The following SPATA46 variants were observed in gnomAD, a reference collection of about 807,000 sequenced individuals.
SPATA46 encodes the protein spermatogenesis-associated protein 46.
A neutral mutation model predicts 6.2 loss-of-function variants in SPATA46; 3 were observed. The observed-to-expected ratio is 0.48, with a 90% CI of 0.22 to 1.25. The LOEUF (loss-of-function observed/expected upper bound fraction) is 1.25, where lower values mean the gene tolerates loss of function less well. Among genes scored for constraint, SPATA46 ranks in the 50% most tolerant of loss-of-function variants. The probability of loss-of-function intolerance (pLI) is 0.20; values close to 1 mark genes in which losing one functional copy is unlikely to be tolerated. For missense variants in SPATA46, 308 were observed against 323.5 expected, an observed-to-expected ratio of 0.95 and a Z score of 0.37; for synonymous variants, 117 against 123.3, an observed-to-expected ratio of 0.95 and a Z score of 0.34.
rs1229771588 is a variant in SPATA46 at position 162,374,198 on chromosome 1, G to A, written c.636C>T (p.Cys212=). ...CTTTGAGCTTGCGGTAGTACACCTT[G>A]CAGCTGAAGCCCTCCCTGAAGCCCC... ...IKRGFREGFS[C]KVYYRKLKAL... is the part of the protein sequence containing the mutation. The change falls in exon 3 of 3, where the codon TGC becomes TGT. Residue 212 remains cysteine (C), a synonymous_variant. Transcript: ENST00000367935. 1.9e-6 allele frequency: 3 copies of A among 1,614,022 alleles called. No homozygotes were observed. The African/African-American group carries it at 4.0e-5, about 22-fold the overall frequency.
rs1647497332 is a variant in SPATA46 at position 162,373,516 on chromosome 1, T to C, written c.*532A>G. 1 of 152,586 alleles carries C rather than the reference T, an allele frequency of 6.6e-6. No homozygotes were observed. The highest frequency in any genetic ancestry group is 6.5e-5 in the Admixed American group (1 of 15,304). The allele number at this position is 152,586 out of a possible 1,614,324, so 9.5% of individuals were successfully genotyped here. On this transcript the variant is annotated 3_prime_UTR_variant, in exon 3 of 3. Transcript: ENST00000367935. ...CCCCATCTGCCTCTTACCTGCCTTA[T>C]ACTCAGAGGCATATTTTCCTCCACA...
In SPATA46 at chr1:162,374,102, A is replaced by G. The variant is rs145479510; in HGVS notation, c.732T>C (p.Asn244=). The G allele has an allele frequency of 1.4e-5, 23 of 1,613,858 alleles. No homozygotes were observed. In the African/African-American group the frequency reaches 3.1e-4, roughly 22 times the overall value. The part of the protein sequence containing the change: ...RLSSGSCQAF[N]SPAEHLRQIG... ...TTTGCCTAAGGTGTTCAGCAGGACT[A>G]TTGAAGGCCTGGCAGCTGCCGGAGG... The change falls in exon 3 of 3, where the codon AAT becomes AAC. Residue 244 remains asparagine, a synonymous_variant. Transcript: ENST00000367935.
Position 162,374,166 on chromosome 1 carries a change from C to T in SPATA46, c.668G>A (p.Trp223Ter), listed in dbSNP as rs1295833143. Reference sequence around the variant, plus strand: ...CAGCCGGGCCTTCTGCTCCTTGCTCCAGAGGGCTTTGAGCTTGCGGTAGTA... The same window carrying T: ...CAGCCGGGCCTTCTGCTCCTTGCTCTAGAGGGCTTTGAGCTTGCGGTAGTA... The part of the protein sequence containing the change: ...KVYYRKLKAL[W>*]SKEQKARLGD... The change falls in exon 3 of 3, where the codon TGG becomes TAG. Residue 223 changes from tryptophan to a stop codon, truncating the protein, a stop_gained. Coordinates refer to ENST00000367935, the MANE Select transcript of SPATA46 (RefSeq NM_182581.4). LOFTEE classifies it low-confidence loss of function (END_TRUNC). 2 of 1,614,256 alleles carry T rather than the reference C, an allele frequency of 1.2e-6. No homozygotes were observed. The highest frequency in any genetic ancestry group is 1.6e-4 in the Middle Eastern group (1 of 6,062).
At position 162,374,014 on chromosome 1, in the gene SPATA46, A is replaced by G. The variant is rs369461476; in HGVS notation, c.*34T>C. On this transcript the variant is annotated 3_prime_UTR_variant, in exon 3 of 3. Coordinates refer to ENST00000367935, the MANE Select transcript of SPATA46 (RefSeq NM_182581.4). ...GCTGTGCGGGGTGACCTCAGACTGG[A>G]CAGAAGGCTGTGACTAACTTTATTG... 3.3e-4 allele frequency: 510 copies of G among 1,558,734 alleles called. 3 individuals are homozygous for G. In the South Asian group the frequency reaches 5.0e-3, roughly 15 times the overall value.
chr1:162,375,677 C>G (rs1047557624), intron 1 of SPATA46, among the ~76,000 whole-genome samples: 1 of 152,136 alleles, frequency 6.6e-6, no homozygotes, highest in African/African-American at 2.4e-5. Flanking sequence ...CTGGCCTGCC[C>G]CTCACCTAAC....
rs1454936772 is a variant in SPATA46, at chr1:162,375,356, C to G, written c.151G>C (p.Ala51Pro). The G allele has an allele frequency of 1.2e-6, 2 of 1,614,142 alleles. No homozygotes were observed. Among genetic ancestry groups the G allele is most frequent in the Non-Finnish European group, 1.7e-6 (2 of 1,180,022 alleles). Residue 51 changes from alanine (A) to proline (P), a missense_variant, in exon 2 of 3, where the codon GCC becomes CCC. By Grantham distance (27) the Ala-to-Pro change is conservative. Transcript: ENST00000367935. The part of the protein sequence containing the change: ...VPTEASSPAQ[A>P]LPPQYQSIIV... Reference sequence around the variant, plus strand: ...ATGCTTTGGTACTGGGGTGGCAGGGCCTGAGCTGGGCTGGATGCCTCAGTG... The same window carrying G: ...ATGCTTTGGTACTGGGGTGGCAGGGGCTGAGCTGGGCTGGATGCCTCAGTG...
rs762963810 is a variant in SPATA46, at chr1:162,374,382, C to T, written c.452G>A (p.Arg151Gln). 116 of 1,614,054 alleles carry T rather than the reference C, an allele frequency of 7.2e-5. No individual in the cohort carries two copies. The highest frequency in any genetic ancestry group is 8.6e-5 in the Non-Finnish European group (102 of 1,180,026). ...SSSSPENTCP[R>Q]EATKKSRHGL... is the part of the protein sequence containing the mutation. ...ATGCCTGGATTTCTTGGTGGCTTCT[C>T]GAGGGCAAGTGTTCTCTGGGGAGGA... Residue 151 changes from arginine to glutamine, a missense_variant, in exon 3 of 3, where the codon CGA becomes CAA. Transcript: ENST00000367935.
In SPATA46 at chr1:162,376,749, G is replaced by C; in HGVS notation, c.42C>G (p.Ile14Met). Residue 14 changes from isoleucine to methionine, a missense_variant, in exon 1 of 3, where the codon ATC (isoleucine) becomes ATG (methionine). Coordinates refer to ENST00000367935, the MANE Select transcript of SPATA46 (RefSeq NM_182581.4). ...GAAAAGCACTCAGGGCGGAGGAAGAGATTGGAGGTCCAGAGATGCTGAGGA... is the reference window on the plus strand; with the variant it reads ...GAAAAGCACTCAGGGCGGAGGAAGACATTGGAGGTCCAGAGATGCTGAGGA... ...FSLLSISGPP[I>M]SSSALSAFPD... is the part of the protein sequence containing the mutation. 6.2e-7 allele frequency: 1 copy of C among 1,614,162 alleles called. No homozygotes were observed. The highest frequency in any genetic ancestry group is 8.5e-7 in the Non-Finnish European group (1 of 1,180,018).
rs762614616 is a variant in SPATA46, at chr1:162,374,487, A to G, written c.347T>C (p.Phe116Ser). ...DKESQLEAYDFPEVQQDEGKW... is the reference protein window; with the variant it reads ...DKESQLEAYDSPEVQQDEGKW... Reference sequence around the variant, plus strand: ...GCCCTCATCCTGCTGCACCTCTGGGAAGTCATAGGCCTCCAGCTGGCTCTC... The same window carrying G: ...GCCCTCATCCTGCTGCACCTCTGGGGAGTCATAGGCCTCCAGCTGGCTCTC... Residue 116 changes from phenylalanine to serine, a missense_variant, in exon 3 of 3, where the codon TTC becomes TCC. By Grantham distance (155) the Phe-to-Ser change is radical. Coordinates refer to ENST00000367935, the MANE Select transcript of SPATA46 (RefSeq NM_182581.4). 2 of 1,614,070 alleles carry G rather than the reference A, an allele frequency of 1.2e-6. No individual in the cohort carries two copies. The highest frequency in any genetic ancestry group is 2.2e-5 in the South Asian group (2 of 91,088).
chr1:162,376,574 C>T (rs567450556), intron 1 of SPATA46, 114 bp downstream of exon 1: 29 of 992,826 alleles, frequency 2.9e-5, no homozygotes, highest in Middle Eastern at 2.1e-4. Flanking sequence ...TCTCCCCATG[C>T]GTAATTTGAC....
At chr1:162,375,750 G>A (rs1409538380) in intron 1 of SPATA46, among the ~76,000 whole-genome samples, 1 of 152,122 alleles carries the variant, frequency 6.6e-6, no homozygotes, top group African/African-American at 2.4e-5. Context: ...AGCATCCTGG[G>A]ACCCAGAGTC....
chr1:162,374,495 G>A lies in SPATA46; in HGVS notation c.339C>T (p.Ala113=), dbSNP rs774063068. Residue 113 remains alanine (A), a synonymous_variant, in exon 3 of 3, where the codon GCC becomes GCT. Transcript: ENST00000367935. ...CCTGCTGCACCTCTGGGAAGTCATA[G>A]GCCTCCAGCTGGCTCTCTTTGTCTG... ...VCADKESQLE[A]YDFPEVQQDE... The A allele has an allele frequency of 2.5e-6, 4 of 1,614,240 alleles. No homozygotes were observed. The Admixed American group carries it at 6.7e-5, about 27-fold the overall frequency.
Position 162,373,823 on chromosome 1 carries a change from G to A in SPATA46, c.*225C>T. On this transcript the variant is annotated 3_prime_UTR_variant, in exon 3 of 3. Coordinates refer to ENST00000367935, the MANE Select transcript of SPATA46 (RefSeq NM_182581.4). ...GCCTGAGAGTTCCCAGGGGTTGCTG[G>A]TACTGCCAGCTGGGCACCTTTGAGA... 1 of 489,764 alleles carries A rather than the reference G, an allele frequency of 2.0e-6. No homozygotes were observed. 30.3% of individuals were successfully genotyped at this position (489,764 alleles called of 1,614,324 possible).
chr1:162,375,556 C>T (rs910568112), intron 1 of SPATA46, among the ~76,000 whole-genome samples, 153 bp from the exon 2 acceptor site: 1 of 152,168 alleles, frequency 6.6e-6, no homozygotes, highest in African/African-American at 2.4e-5. Flanking sequence ...CCAGGCAGAG[C>T]TATTCTGGAT....
Position 162,374,370 on chromosome 1 carries a change from T to G in SPATA46, c.464A>C (p.Lys155Thr), listed in dbSNP as rs1249508387. The G allele has an allele frequency of 1.2e-6, 2 of 1,614,224 alleles. No individual in the cohort carries two copies. Among genetic ancestry groups the G allele is most frequent in the South Asian group, 2.2e-5 (2 of 91,082 alleles). Residue 155 changes from lysine to threonine, a missense_variant, in exon 3 of 3, where the codon AAG becomes ACG. Lys to Thr is a moderately conservative substitution (Grantham distance 78, BLOSUM62 -1). Coordinates refer to ENST00000367935, the MANE Select transcript of SPATA46 (RefSeq NM_182581.4). ...GGAGTCCAGGCCATGCCTGGATTTC[T>G]TGGTGGCTTCTCGAGGGCAAGTGTT... is the stretch of plus-strand genomic sequence containing the variant. ...PENTCPREAT[K>T]KSRHGLDSIT...
Position 162,374,164 on chromosome 1 carries a change from T to C in SPATA46, c.670A>G (p.Ser224Gly). ...CCCAGCCGGGCCTTCTGCTCCTTGC[T>C]CCAGAGGGCTTTGAGCTTGCGGTAG... ...VYYRKLKALWSKEQKARLGDR... is the reference protein window; with the variant it reads ...VYYRKLKALWGKEQKARLGDR... The change falls in exon 3 of 3, where the codon AGC (serine) becomes GGC (glycine). Residue 224 changes from serine (S) to glycine (G), a missense_variant. Physicochemically the swap from Ser to Gly is moderately conservative, Grantham distance 56. Transcript: ENST00000367935. 6.2e-7 allele frequency: 1 copy of C among 1,614,240 alleles called. No homozygotes were observed. Among genetic ancestry groups the C allele is most frequent in the Non-Finnish European group, 8.5e-7 (1 of 1,180,040 alleles).
rs767807737 is a variant in SPATA46 at position 162,374,646 on chromosome 1, C to G, written c.218-30G>C. On this transcript the variant is annotated intron_variant, in intron 2 of 2. Transcript: ENST00000367935. ...AAAGGAAAGGACCAGGTCTGAGTCT[C>G]TGGCAGGGAGCAGTGGAGCCAAGGA... 1.9e-6 allele frequency: 3 copies of G among 1,573,328 alleles called. No homozygotes were observed. The African/African-American group carries it at 4.1e-5, about 21-fold the overall frequency.
rs777023592 is a variant in SPATA46 at position 162,374,104 on chromosome 1, T to G, written c.730A>C (p.Asn244His). ...TGCCTAAGGTGTTCAGCAGGACTAT[T>G]GAAGGCCTGGCAGCTGCCGGAGGAG... ...RLSSGSCQAF[N>H]SPAEHLRQIG... Residue 244 changes from asparagine (N) to histidine (H), a missense_variant, in exon 3 of 3, where the codon AAT becomes CAT. Coordinates refer to ENST00000367935, the MANE Select transcript of SPATA46 (RefSeq NM_182581.4). The G allele has an allele frequency of 2.7e-5, 44 of 1,613,912 alleles. 2 individuals are homozygous for G. In the South Asian group the frequency reaches 4.8e-4, roughly 18 times the overall value.
Position 162,374,577 on chromosome 1 carries a change from C to T in SPATA46, c.257G>A (p.Arg86Lys). The T allele has an allele frequency of 1.2e-6, 2 of 1,613,776 alleles. No homozygotes were observed. The highest frequency in any genetic ancestry group is 2.2e-5 in the East Asian group (1 of 44,882). The change falls in exon 3 of 3, where the codon AGG becomes AAG. Residue 86 changes from arginine (R) to lysine (K), a missense_variant. Physicochemically the swap from Arg to Lys is conservative, Grantham distance 26. Coordinates refer to ENST00000367935, the MANE Select transcript of SPATA46 (RefSeq NM_182581.4). ...LGDTQHGEKL[R>K]RNCTIYRPWF... is the part of the protein sequence containing the mutation. ...GGGCCGGTAGATAGTGCAGTTCCGC[C>T]TCAGCTTCTCTCCGTGCTGGGTATC...
Sources: gnomAD v4.1 joint callset for allele counts (sites outside exome capture counted in the v4.1 genomes callset) on GRCh38, gnomAD v4.1.1 for gene constraint, MANE v1.5 for transcripts, NCBI Gene and HGNC (gene_info 2026-07-23, HGNC 2026-07-21) for gene names.